ADAMTS14: variants seen among roughly 807,000 people sequenced by gnomAD.
ADAMTS14 encodes the protein A disintegrin and metalloproteinase with thrombospondin motifs 14.
In ADAMTS14, 100 loss-of-function variants were observed where a neutral mutation model predicts 128.6. The ratio of observed to expected loss-of-function variants is 0.78; its 90% CI spans 0.66 to 0.92. The LOEUF (loss-of-function observed/expected upper bound fraction) is 0.92, where lower values mean the gene tolerates loss of function less well. ADAMTS14 is among the 40% of genes least tolerant of loss of function. The pLI is 0.00. For synonymous variants in ADAMTS14, 665 were observed against 653.8 expected, an observed-to-expected ratio of 1.02 and a Z score of -0.26; for missense variants, 1,562 against 1,658.6, an observed-to-expected ratio of 0.94 and a Z score of 1.01.
chr10:70,687,202 T>C (rs1257459443), intron 2 of ADAMTS14, among the ~76,000 whole-genome samples: 5 of 68,558 alleles, frequency 7.3e-5, no homozygotes, highest in Admixed American at 1.5e-4. Flanking sequence ...CCCCCCCACC[T>C]CCCTCCCGGA....
At chr10:70,714,215 C>A (rs1840948028) in intron 4 of ADAMTS14, among the ~76,000 whole-genome samples, 2 of 152,140 alleles carry the variant, frequency 1.3e-5, no homozygotes, top group African/African-American at 2.4e-5. Flanking sequence ...AAAAGAATAT[C>A]ATTGTAGAAA....
chr10:70,760,138 G>A (rs1170135735), intron 21 of ADAMTS14, among the ~76,000 whole-genome samples: 1 of 152,186 alleles, frequency 6.6e-6, no homozygotes, highest in African/African-American at 2.4e-5. Context: ...ATCACTTTGA[G>A]ATCTGCTGCT....
chr10:70,711,489 G>A (rs1223537328), intron 4 of ADAMTS14, among the ~76,000 whole-genome samples: 1 of 152,222 alleles, frequency 6.6e-6, no homozygotes, highest in African/African-American at 2.4e-5. Context: ...CCCAGTTTGT[G>A]TCTGCTACAG....
chr10:70,734,990 G>C (rs752073617), intron 8 of ADAMTS14, among the ~76,000 whole-genome samples, 179 bp from the exon 9 acceptor site: 3 of 152,232 alleles, frequency 2.0e-5, no homozygotes, highest in African/African-American at 4.8e-5. Flanking sequence ...GTGGGAGTGA[G>C]GTCCTGAGTG....
rs753040138 is a variant in ADAMTS14 at position 70,760,401 on chromosome 10, G to A, written c.3220G>A (p.Glu1074Lys). The change falls in exon 22 of 22, where the codon GAA (glutamate) becomes AAA (lysine). Residue 1074 changes from glutamate to lysine, a missense_variant. Transcript: ENST00000373207. ...AGACAGGTCTGTCTTCTGCCAGATG[G>A]AAGTGCTCGATCGCTACTGCTCCAT... Reference protein sequence around the residue: ...TGDRSVFCQMEVLDRYCSIPG... With the variant: ...TGDRSVFCQMKVLDRYCSIPG... 39 of 1,604,682 alleles carry A rather than the reference G, an allele frequency of 2.4e-5. No homozygotes were observed. In the Admixed American group the frequency reaches 6.6e-4, roughly 27 times the overall value.
At chr10:70,679,605 C>T (rs1050124922) in intron 2 of ADAMTS14, among the ~76,000 whole-genome samples, 1 of 152,214 alleles carries the variant, frequency 6.6e-6, no homozygotes, top group East Asian at 1.9e-4. Flanking sequence ...GTTGCTTCTC[C>T]TACGGCCATC....
At chr10:70,714,584 G>A (rs1043113145) in intron 4 of ADAMTS14, among the ~76,000 whole-genome samples, 5 of 152,170 alleles carry the variant, frequency 3.3e-5, no homozygotes, top group African/African-American at 9.6e-5. Flanking sequence ...ACTGGCAGGA[G>A]AAAAGAGTTG....
intron 4 of ADAMTS14, among the ~76,000 whole-genome samples, chr10:70,723,125 C>G (rs1231634635): frequency 6.6e-6 from 1 of 152,148 alleles, no homozygotes; most frequent in African/African-American, 2.4e-5. Flanking sequence ...CTGTGGGCTT[C>G]CTCCCCAATA....
chr10:70,681,645 G>C (rs56287851), intron 2 of ADAMTS14, among the ~76,000 whole-genome samples: 25,380 of 152,222 alleles, frequency 0.17, 2,701 homozygotes, highest in Middle Eastern at 0.24. Context: ...GGCTGCTCTT[G>C]ACTGGCTGGA....
At chr10:70,710,275 C>A (rs1386870058) in intron 4 of ADAMTS14, among the ~76,000 whole-genome samples, 1 of 152,210 alleles carries the variant, frequency 6.6e-6, no homozygotes, top group Non-Finnish European at 1.5e-5. Context: ...GTTAATGGCT[C>A]ATCATAAACA....
chr10:70,714,079 G>A (rs1840942511), intron 4 of ADAMTS14, among the ~76,000 whole-genome samples: 1 of 152,126 alleles, frequency 6.6e-6, no homozygotes, highest in African/African-American at 2.4e-5. Flanking sequence ...TGTAGTCCCA[G>A]CTACTCAGGA....
At position 70,723,252 on chromosome 10, in the gene ADAMTS14, G is replaced by A. The variant is rs146354880; in HGVS notation, c.871-6042G>A. Among the ~76,000 whole-genome samples the A allele has an allele frequency of 2.2e-3, 341 of 152,282 alleles. 2 individuals carry two copies. Among genetic ancestry groups the A allele is most frequent in the African/African-American group, 7.9e-3 (328 of 41,544 alleles). On this transcript the variant is annotated intron_variant, in intron 4 of 21. Transcript: ENST00000373207. Reference sequence around the variant, plus strand: ...CAGTGCTGGTCATCAAAAACCAGAAGGTGGGAGAACCTGTCACAGAGAAGA... The same window carrying A: ...CAGTGCTGGTCATCAAAAACCAGAAAGTGGGAGAACCTGTCACAGAGAAGA...
intron 2 of ADAMTS14, among the ~76,000 whole-genome samples, chr10:70,687,980 T>A (rs1373953274): frequency 1.6e-5 from 1 of 61,380 alleles, no homozygotes; most frequent in South Asian, 9.8e-4. Flanking sequence ...CCCCCCGACC[T>A]CCCTCCCGGA....
At position 70,708,718 on chromosome 10, in the gene ADAMTS14, G is replaced by A. The variant is rs756352781; in HGVS notation, c.810G>A (p.Ser270=). ...SIEVLLVVDD[S]VVRFHGKEHV... Reference sequence around the variant, plus strand: ...AGGTGCTGCTGGTGGTGGACGACTCGGTGGTTCGCTTCCATGGCAAGGAGC... The same window carrying A: ...AGGTGCTGCTGGTGGTGGACGACTCAGTGGTTCGCTTCCATGGCAAGGAGC... Residue 270 remains serine (S), a synonymous_variant, in exon 4 of 22, where the codon TCG becomes TCA. Coordinates refer to ENST00000373207, the MANE Select transcript of ADAMTS14 (RefSeq NM_080722.4). 1.0e-4 allele frequency: 161 copies of A among 1,613,656 alleles called. No homozygotes were observed. The highest frequency in any genetic ancestry group is 1.6e-4 in the Middle Eastern group (1 of 6,084).
At chr10:70,675,470 G>A (rs1241237979) in intron 2 of ADAMTS14, among the ~76,000 whole-genome samples, 1 of 152,206 alleles carries the variant, frequency 6.6e-6, no homozygotes, top group Non-Finnish European at 1.5e-5. Flanking sequence ...TAACTGGGCA[G>A]TGCACTGGGG....
chr10:70,748,366 C>G (rs1221446068), intron 15 of ADAMTS14, among the ~76,000 whole-genome samples: 2 of 152,196 alleles, frequency 1.3e-5, no homozygotes, highest in African/African-American at 4.8e-5. Flanking sequence ...TGCACCTGGC[C>G]TGAGGAGCTG....
intron 2 of ADAMTS14, among the ~76,000 whole-genome samples, chr10:70,698,730 T>C (rs1205580284): frequency 6.6e-6 from 1 of 152,174 alleles, no homozygotes; most frequent in Non-Finnish European, 1.5e-5. Context: ...ATTCCTCAGA[T>C]TACGTAGGAC....
At chr10:70,725,546 T>A (rs1375713799) in intron 4 of ADAMTS14, among the ~76,000 whole-genome samples, 1 of 152,218 alleles carries the variant, frequency 6.6e-6, no homozygotes, top group Non-Finnish European at 1.5e-5. Context: ...GGTTCATAGA[T>A]GGTGACTTCT....
intron 2 of ADAMTS14, among the ~76,000 whole-genome samples, chr10:70,698,648 T>C (rs926807095): frequency 6.6e-6 from 1 of 152,202 alleles, no homozygotes; most frequent in Non-Finnish European, 1.5e-5. Context: ...ACAAGGACCA[T>C]CTCTGGGGAG....
Sources: gnomAD v4.1 joint callset for allele counts (sites outside exome capture counted in the v4.1 genomes callset) on GRCh38, gnomAD v4.1.1 for gene constraint, MANE v1.5 for transcripts, NCBI Gene and HGNC (gene_info 2026-07-23, HGNC 2026-07-21) for gene names.